Variants in CYB5B observed in about 807,000 individuals in gnomAD.
The protein encoded by CYB5B is cytochrome b5 type B.
A neutral mutation model predicts 21.3 loss-of-function variants in CYB5B; 14 were observed. That is an observed-to-expected ratio of 0.66 (90% CI 0.43 to 1.03). The LOEUF (loss-of-function observed/expected upper bound fraction) is 1.03, where lower values mean the gene tolerates loss of function less well. Ranked by LOEUF, CYB5B falls within the 50% of genes least tolerant of loss-of-function variation. CYB5B has a pLI of 0.00. For missense variants in CYB5B, 166 were observed against 185.1 expected (o/e 0.90, Z 0.60); for synonymous variants, 69 against 68.4 (o/e 1.01, Z -0.04).
At chr16:69,461,718 G>A (rs989330480) in intron 4 of CYB5B, among the ~76,000 whole-genome samples, 1 of 152,158 alleles carries the variant, frequency 6.6e-6, no homozygotes, top group Non-Finnish European at 1.5e-5. Context: ...GCTGCCATTT[G>A]CTTCACCCTG....
At chr16:69,432,187 A>G (rs2014712733) in intron 1 of CYB5B, among the ~76,000 whole-genome samples, 1 of 152,184 alleles carries the variant, frequency 6.6e-6, no homozygotes, top group Non-Finnish European at 1.5e-5. Context: ...GGTAATAGAA[A>G]ACCACTGACA....
chr16:69,457,431 A>G (rs1474479561), intron 3 of CYB5B, among the ~76,000 whole-genome samples: 2 of 152,180 alleles, frequency 1.3e-5, no homozygotes, highest in African/African-American at 4.8e-5. Context: ...TTTTTTGTCT[A>G]TAAATCATTG....
intron 4 of CYB5B, among the ~76,000 whole-genome samples, chr16:69,460,929 G>A (rs1249214808): frequency 6.6e-6 from 1 of 152,204 alleles, no homozygotes; most frequent in Non-Finnish European, 1.5e-5. Context: ...CAGTATAAAT[G>A]TATTTCCTCT....
intron 3 of CYB5B, among the ~76,000 whole-genome samples, chr16:69,453,691 TG>T (rs1327696464): frequency 2.6e-5 from 4 of 152,126 alleles, no homozygotes; most frequent in African/African-American, 9.7e-5. Flanking sequence ...TCTGAGTAGC[TG>T]GGATTACAGG....
rs1190059960 is a variant in CYB5B at position 69,447,153 on chromosome 16, C to G, written c.178C>G (p.Pro60Ala). 6.2e-6 allele frequency: 10 copies of G among 1,613,690 alleles called. No homozygotes were observed. The highest frequency in any genetic ancestry group is 8.5e-6 in the Non-Finnish European group (10 of 1,179,822). The change falls in exon 2 of 5, where the codon CCT becomes GCT. Residue 60 changes from proline to alanine, a missense_variant. Pro to Ala is a conservative substitution (Grantham distance 27). Transcript: ENST00000307892. The part of the protein sequence containing the change: ...YDVTRFLNEH[P>A]GGEEVLLEQA... ...AGTAAATATCTTTTCCTTGTAGCACCCTGGAGGAGAAGAGGTTCTGCTGGA... is the reference window on the plus strand; with the variant it reads ...AGTAAATATCTTTTCCTTGTAGCACGCTGGAGGAGAAGAGGTTCTGCTGGA...
chr16:69,460,173 G>C (rs929404404), intron 4 of CYB5B, among the ~76,000 whole-genome samples: 4 of 151,922 alleles, frequency 2.6e-5, no homozygotes, highest in Non-Finnish European at 5.9e-5. Context: ...GGTGGAGGTT[G>C]CAGTGAGCCA....
intron 1 of CYB5B, among the ~76,000 whole-genome samples, chr16:69,440,745 C>CGTGTGTGT (rs56008000): frequency 1.7e-3 from 242 of 146,388 alleles, no homozygotes; most frequent in Middle Eastern, 6.8e-3. Context: ...GTGTGTGTTG[C>CGTGTGTGT]GTGTGTGTGT....
chr16:69,436,006 G>A (rs955203521), intron 1 of CYB5B, among the ~76,000 whole-genome samples: 15 of 152,308 alleles, frequency 9.8e-5, no homozygotes, highest in Non-Finnish European at 2.2e-4. Context: ...TTCTAGGGAA[G>A]GTGAGAAATA....
At chr16:69,455,711 C>T (rs1362443516) in intron 3 of CYB5B, among the ~76,000 whole-genome samples, 1 of 152,012 alleles carries the variant, frequency 6.6e-6, no homozygotes, top group Non-Finnish European at 1.5e-5. Context: ...CCGCGACTGG[C>T]CTTTTTGTCA....
intron 1 of CYB5B, among the ~76,000 whole-genome samples, chr16:69,434,157 C>A (rs2014734828): frequency 6.6e-6 from 1 of 152,170 alleles, no homozygotes; most frequent in South Asian, 2.1e-4. Flanking sequence ...TGTCTAGCTT[C>A]TTTTGCTCAG....
intron 1 of CYB5B, among the ~76,000 whole-genome samples, chr16:69,437,508 A>G (rs2014772657): frequency 6.6e-6 from 1 of 151,990 alleles, no homozygotes; most frequent in South Asian, 2.1e-4. Context: ...CCCCCAATAC[A>G]CTTCTATCTT....
intron 3 of CYB5B, chr16:69,450,004 CCAGCA>C (rs2014916436): frequency 6.6e-6 from 1 of 152,162 alleles, no homozygotes; most frequent in African/African-American, 2.4e-5. Context: ...TGGCTTGAGC[CCAGCA>C]CTTGGAGACC....
intron 1 of CYB5B, among the ~76,000 whole-genome samples, chr16:69,432,671 T>C (rs1231757387): frequency 6.6e-6 from 1 of 152,242 alleles, no homozygotes; most frequent in Non-Finnish European, 1.5e-5. Flanking sequence ...ATGTAATTTC[T>C]CTTTTAAGCC....
chr16:69,442,280 T>C (rs1354222832), intron 1 of CYB5B, among the ~76,000 whole-genome samples: 1 of 152,138 alleles, frequency 6.6e-6, no homozygotes, highest in Non-Finnish European at 1.5e-5. Context: ...GAATTTTTGG[T>C]AAATGTTTAT....
At chr16:69,426,337 T>A (rs931008231) in intron 1 of CYB5B, among the ~76,000 whole-genome samples, 3 of 148,592 alleles carry the variant, frequency 2.0e-5, no homozygotes, top group Non-Finnish European at 4.4e-5. Context: ...AGGTGGCACT[T>A]GCAGTGAGCC....
intron 3 of CYB5B, among the ~76,000 whole-genome samples, chr16:69,457,637 C>T (rs549170887): frequency 6.6e-6 from 1 of 152,242 alleles, no homozygotes; most frequent in South Asian, 2.1e-4. Context: ...CAAAGATTGA[C>T]TTGTAACTCA....
At chr16:69,428,325 A>C (rs1163780192) in intron 1 of CYB5B, among the ~76,000 whole-genome samples, 1 of 152,148 alleles carries the variant, frequency 6.6e-6, no homozygotes. Flanking sequence ...AAATAACTAA[A>C]ATATATACTA....
chr16:69,429,200 T>A (rs2014679352), intron 1 of CYB5B, among the ~76,000 whole-genome samples: 1 of 152,066 alleles, frequency 6.6e-6, no homozygotes, highest in African/African-American at 2.4e-5. Flanking sequence ...GTGTTATAGC[T>A]CTTAAAGGTG....
At chr16:69,438,070 C>T (rs1037443577) in intron 1 of CYB5B, among the ~76,000 whole-genome samples, 6 of 152,238 alleles carry the variant, frequency 3.9e-5, no homozygotes, top group Non-Finnish European at 7.4e-5. Context: ...CTCCCTATTT[C>T]CCCCTCTTCC....
Sources: allele counts gnomAD v4.1 joint callset (sites outside exome capture counted in the v4.1 genomes callset), GRCh38; gene constraint gnomAD v4.1.1; transcripts MANE v1.5; gene names NCBI Gene and HGNC (gene_info 2026-07-23, HGNC 2026-07-21).